LRRC4C: variants seen among roughly 807,000 people sequenced by gnomAD.
The protein encoded by LRRC4C is leucine-rich repeat-containing protein 4C.
LRRC4C carries 5 observed loss-of-function variants against 33.6 expected under a neutral mutation model. The observed-to-expected ratio is 0.15, with a 90% confidence interval of 0.08 to 0.31. LRRC4C has a LOEUF of 0.31. Ranked by LOEUF, LRRC4C falls within the 10% of genes least tolerant of loss-of-function variation. LRRC4C has a pLI of 1.00. For missense variants in LRRC4C, 560 were observed against 796.7 expected (o/e 0.70, Z 3.58); for synonymous variants, 329 against 302.0 (o/e 1.09, Z -0.93).
At chr11:40,117,324 G>C (rs1032304477) in intron 6 of LRRC4C, among the ~76,000 whole-genome samples, 1 of 152,138 alleles carries the variant, frequency 6.6e-6, no homozygotes, top group Non-Finnish European at 1.5e-5. Flanking sequence ...ACATGCACAT[G>C]TATATATAAA....
chr11:40,369,582 C>A (rs970026119), intron 3 of LRRC4C, among the ~76,000 whole-genome samples: 2 of 152,226 alleles, frequency 1.3e-5, no homozygotes, highest in Non-Finnish European at 2.9e-5. Context: ...AGGTGGTCTG[C>A]CCGCCTCAGC....
rs528364869 is a variant in LRRC4C, at chr11:40,965,662, A to G, written c.-495-31939T>C. On this transcript the variant is annotated intron_variant, in intron 1 of 6. Coordinates refer to ENST00000528697, the MANE Select transcript of LRRC4C (RefSeq NM_001258419.2). ...ATTGCTTGTTTTTGTCAGATTTGTC[A>G]AAGATCAGATAGGTGTAGACATATG... 1.9e-3 allele frequency among the ~76,000 whole-genome samples: 294 copies of G among 152,268 alleles called. 1 individual carries two copies. Among genetic ancestry groups the G allele is most frequent in the South Asian group, 3.5e-3 (17 of 4,826 alleles).
At chr11:40,434,045 T>A (rs999454582) in intron 3 of LRRC4C, among the ~76,000 whole-genome samples, 4 of 152,208 alleles carry the variant, frequency 2.6e-5, no homozygotes, top group African/African-American at 7.2e-5. Context: ...TTTCTTCTTT[T>A]CTTATTTTTA....
At chr11:40,546,750 C>T (rs1175544480) in intron 3 of LRRC4C, among the ~76,000 whole-genome samples, 1 of 152,028 alleles carries the variant, frequency 6.6e-6, no homozygotes, top group East Asian at 1.9e-4. Context: ...CACATTCTCT[C>T]CAAATAATCT....
intron 3 of LRRC4C, among the ~76,000 whole-genome samples, chr11:40,452,889 G>T (rs544203846): frequency 6.6e-6 from 1 of 152,148 alleles, no homozygotes; most frequent in African/African-American, 2.4e-5. Flanking sequence ...TAGGGACATG[G>T]ATGAAGCTGG....
intron 2 of LRRC4C, among the ~76,000 whole-genome samples, chr11:40,902,340 T>C (rs1956244676): frequency 6.6e-6 from 1 of 152,140 alleles, no homozygotes; most frequent in African/African-American, 2.4e-5. Context: ...AAATGTTGTA[T>C]GTGTCTGACA....
rs563127049 is a variant in LRRC4C at position 40,349,612 on chromosome 11, C to T, written c.-269-29891G>A. Among the ~76,000 whole-genome samples the T allele has an allele frequency of 9.9e-5, 15 of 152,098 alleles. No homozygotes were observed. In the South Asian group the frequency reaches 2.3e-3, roughly 23 times the overall value. ...CCAGTAGTGGAACGGCTGGATTATA[C>T]GATAGTTCTATTTTTAGTTTATTGA... On this transcript the variant is annotated intron_variant, in intron 3 of 6. Coordinates refer to ENST00000528697, the MANE Select transcript of LRRC4C (RefSeq NM_001258419.2).
intron 1 of LRRC4C, among the ~76,000 whole-genome samples, chr11:41,360,803 G>A (rs1049507476): frequency 9.2e-5 from 14 of 152,182 alleles, no homozygotes; most frequent in Non-Finnish European, 1.8e-4. Context: ...AATAACTCAT[G>A]TGGGGGCTTT....
intron 3 of LRRC4C, among the ~76,000 whole-genome samples, chr11:40,587,871 G>C (rs189292924): frequency 6.6e-6 from 1 of 152,070 alleles, no homozygotes; most frequent in Admixed American, 6.5e-5. Flanking sequence ...TGCTGGATTC[G>C]TTTTGCCACT....
chr11:41,190,618 A>G (rs569378331), intron 1 of LRRC4C, among the ~76,000 whole-genome samples: 2 of 152,292 alleles, frequency 1.3e-5, no homozygotes, highest in African/African-American at 2.4e-5. Context: ...TGCATTGGCT[A>G]AACAACGGTA....
At chr11:41,186,737 A>T (rs1343512998) in intron 1 of LRRC4C, among the ~76,000 whole-genome samples, 1 of 152,172 alleles carries the variant, frequency 6.6e-6, no homozygotes, top group Non-Finnish European at 1.5e-5. Flanking sequence ...TATTAATGGA[A>T]CAAGAACATA....
chr11:40,724,537 TA>T (rs34547299), intron 2 of LRRC4C, among the ~76,000 whole-genome samples: 6 of 151,656 alleles, frequency 4.0e-5, no homozygotes, highest in African/African-American at 1.2e-4. Flanking sequence ...AAAGCAGAAA[TA>T]AAAAAAATTA....
intron 4 of LRRC4C, among the ~76,000 whole-genome samples, chr11:40,317,138 G>T (rs1487850258): frequency 6.6e-6 from 1 of 151,036 alleles, no homozygotes; most frequent in Non-Finnish European, 1.5e-5. Context: ...AACTTAATCT[G>T]GGGAAATTCT....
At chr11:40,645,099 C>T (rs557023176) in intron 3 of LRRC4C, among the ~76,000 whole-genome samples, 1 of 152,218 alleles carries the variant, frequency 6.6e-6, no homozygotes, top group Non-Finnish European at 1.5e-5. Context: ...TTAAGGAATA[C>T]CATTCAGTTT....
intron 1 of LRRC4C, among the ~76,000 whole-genome samples, chr11:40,995,675 T>C (rs1853918582): frequency 6.6e-6 from 1 of 152,178 alleles, no homozygotes; most frequent in African/African-American, 2.4e-5. Flanking sequence ...GGGAGTATCA[T>C]ATGTTGCTTC....
At chr11:40,956,156 G>A (rs936632421) in intron 1 of LRRC4C, among the ~76,000 whole-genome samples, 10 of 151,856 alleles carry the variant, frequency 6.6e-5, no homozygotes, top group Non-Finnish European at 1.3e-4. Context: ...AAGTGACGGC[G>A]ATACCAAAAA....
chr11:41,367,219 T>C (rs1035327930), intron 1 of LRRC4C, among the ~76,000 whole-genome samples: 1 of 152,150 alleles, frequency 6.6e-6, no homozygotes, highest in Admixed American at 6.6e-5. Context: ...ATAAAATGAA[T>C]CATGACTTTA....
At chr11:40,752,313 C>T (rs998149864) in intron 2 of LRRC4C, among the ~76,000 whole-genome samples, 4 of 151,912 alleles carry the variant, frequency 2.6e-5, no homozygotes, top group Non-Finnish European at 5.9e-5. Context: ...AAGAGATAAC[C>T]TACAGAATGG....
chr11:40,272,092 A>C, intron 4 of LRRC4C, among the ~76,000 whole-genome samples: 1 of 152,190 alleles, frequency 6.6e-6, no homozygotes, highest in East Asian at 1.9e-4. Context: ...ATACGGATGT[A>C]TTCAGAAGTT....
Sources: gnomAD v4.1 joint callset for allele counts (sites outside exome capture counted in the v4.1 genomes callset) on GRCh38, gnomAD v4.1.1 for gene constraint, MANE v1.5 for transcripts, NCBI Gene and HGNC (gene_info 2026-07-23, HGNC 2026-07-21) for gene names.